MIAT: variants seen among roughly 807,000 people sequenced by gnomAD.
The protein encoded by MIAT is myocardial infarction associated transcript, also known as MI related novel mRNA.
intron 2 of MIAT, chr22:26,647,490 G>A (rs1602352027): frequency 1.6e-5 from 6 of 385,806 alleles, no homozygotes; most frequent in South Asian, 1.5e-4. Flanking sequence ...CAGAAGGAGC[G>A]GGGCCCCAGT....
chr22:26,668,522 G>A (rs1172413054), exon 6 of MIAT: 7 of 398,966 alleles, frequency 1.8e-5, no homozygotes, highest in East Asian at 1.4e-4. Flanking sequence ...ATTCCTCCTC[G>A]CGTTTCTGCC....
At chr22:26,660,180 T>C (rs1359043641) in intron 2 of MIAT, among the ~76,000 whole-genome samples, 1 of 151,516 alleles carries the variant, frequency 6.6e-6, no homozygotes, top group Non-Finnish European at 1.5e-5. Flanking sequence ...TATTTTCTAT[T>C]ATTGAAATTG....
At chr22:26,674,720 G>T in exon 5 of MIAT, 1 of 398,632 alleles carries the variant, frequency 2.5e-6, no homozygotes, top group Non-Finnish European at 4.4e-6. Flanking sequence ...TCTACACCCG[G>T]AAGTGCCTGC....
Position 26,659,836 on chromosome 22 carries a change from C to CT in MIAT, n.647-3477dup, listed in dbSNP as rs1359529004. Among the ~76,000 whole-genome samples, 664 of 81,292 alleles carry CT rather than the reference C, an allele frequency of 8.2e-3. 11 individuals are homozygous for CT. The highest frequency in any genetic ancestry group is 0.015 in the African/African-American group (361 of 24,202). 53.3% of individuals were successfully genotyped at this position (81,292 alleles called of 152,430 possible). A position where few individuals can be genotyped will look rare whatever the true frequency, so the allele number is the denominator to read the frequency against. Reference sequence around the variant, plus strand: ...TTTTTTTCTTTTTCTTTCTTTCTTTCTTTCTTTTTTTTTTTTTTGAAACAG... The same window carrying CT: ...TTTTTTTCTTTTTCTTTCTTTCTTTCTTTTCTTTTTTTTTTTTTTGAAACAG... On this transcript the variant is annotated intron_variant and non_coding_transcript_variant, in intron 2 of 5. Transcript: ENST00000643270.
At chr22:26,647,050 T>C (rs1174689396) in intron 1 of MIAT, 2 of 398,030 alleles carry the variant, frequency 5.0e-6, no homozygotes, top group Non-Finnish European at 8.8e-6. Context: ...AGACTGACCT[T>C]TAGAAGGCAT....
At chr22:26,668,062 C>T in intron 5 of MIAT, 1 of 397,764 alleles carries the variant, frequency 2.5e-6, no homozygotes, top group South Asian at 1.4e-4. Flanking sequence ...GATCTCTGAA[C>T]ATGAGTCCCC....
chr22:26,663,460 A>T, intron 3 of MIAT: 5 of 398,318 alleles, frequency 1.3e-5, no homozygotes, highest in Non-Finnish European at 2.2e-5. Flanking sequence ...ATGCTTTGAG[A>T]TCAGATCCAT....
exon 5 of MIAT, chr22:26,676,323 C>T (rs1019589355): frequency 2.3e-5 from 9 of 398,392 alleles, no homozygotes; most frequent in South Asian, 2.5e-4. Context: ...CAGGGGATAC[C>T]GAATGTGTGG....
Position 26,666,559 on chromosome 22 carries a change from G to A in MIAT, n.1758G>A, listed in dbSNP as rs193253486. The A allele has an allele frequency of 1.4e-3, 554 of 398,666 alleles. 8 individuals carry two copies. Among genetic ancestry groups the A allele is most frequent in the South Asian group, 1.3e-4 (1 of 7,864 alleles). The allele number at this position is 398,666 out of a possible 1,614,324, so 24.7% of individuals were successfully genotyped here. On this transcript the variant is annotated non_coding_transcript_exon_variant, in exon 4 of 6. Coordinates refer to ENST00000643270, the Ensembl canonical transcript of MIAT. ...CAGAATTCTGGATTCCTGACTCTCC[G>A]TTCAGCTGCTATTCAGCTATCACCA...
At chr22:26,658,245 T>C (rs16982565) in intron 2 of MIAT, 16,754 of 151,740 alleles carry the variant, frequency 0.11, 941 homozygotes, top group African/African-American at 0.16. Flanking sequence ...CCACCCTCGT[T>C]GAAAACAACA....
At chr22:26,647,488 GC>G (rs1002270539) in intron 2 of MIAT, 6 of 386,836 alleles carry the variant, frequency 1.6e-5, no homozygotes, top group African/African-American at 1.2e-4. Context: ...CCCAGAAGGA[GC>G]GGGGCCCCAG....
chr22:26,667,877 C>T (rs1316242510), intron 5 of MIAT: 2 of 250,110 alleles, frequency 8.0e-6, no homozygotes, highest in South Asian at 1.8e-4. Flanking sequence ...CATTATGTTG[C>T]CCAGGCTGGT....
At chr22:26,647,027 G>T in intron 1 of MIAT, 1 of 398,130 alleles carries the variant, frequency 2.5e-6, no homozygotes, top group Non-Finnish European at 4.4e-6. Context: ...CATTTGATTG[G>T]CTTTTAAAGG....
At chr22:26,665,245 A>AAAAAAG (rs1851633222) in intron 3 of MIAT, among the ~76,000 whole-genome samples, 1 of 116,086 alleles carries the variant, frequency 8.6e-6, no homozygotes, top group African/African-American at 4.0e-5. Flanking sequence ...TGTCTCCAGA[A>AAAAAAG]AAAAAGAAAG....
At chr22:26,656,347 G>A (rs1226960049) in intron 2 of MIAT, among the ~76,000 whole-genome samples, 1 of 146,062 alleles carries the variant, frequency 6.8e-6, no homozygotes, top group East Asian at 2.0e-4. Context: ...TTTTTGAGAT[G>A]GGGTCTGGCT....
chr22:26,673,933 G>T (rs1484800120), downstream of MIAT: 7 of 398,530 alleles, frequency 1.8e-5, no homozygotes, highest in Admixed American at 4.4e-5. Flanking sequence ...TTTGGTTTCA[G>T]TTCTTAAAAA....
intron 2 of MIAT, chr22:26,650,282 G>A (rs1930314339): frequency 1.3e-5 from 2 of 152,246 alleles, no homozygotes; most frequent in South Asian, 4.1e-4. Flanking sequence ...TGTGAATCGA[G>A]GAGAGAGGCC....
At chr22:26,661,937 T>TATATCTATATAGATCC (rs1555948794) in intron 2 of MIAT, among the ~76,000 whole-genome samples, 3 of 38,120 alleles carry the variant, frequency 7.9e-5, no homozygotes, top group African/African-American at 2.4e-4. Context: ...TATATATATA[T>TATATCTATATAGATCC]ATATATATAT....
At chr22:26,646,882 G>A (rs1333740342) in exon 1 of MIAT, 3 of 398,676 alleles carry the variant, frequency 7.5e-6, no homozygotes, top group Admixed American at 4.4e-5. Flanking sequence ...AATAGAGACA[G>A]GTAGATAGGA....
Sources: allele counts gnomAD v4.1 joint callset (sites outside exome capture counted in the v4.1 genomes callset), GRCh38; gene constraint gnomAD v4.1.1; transcripts MANE v1.5; gene names NCBI Gene and HGNC (gene_info 2026-07-23, HGNC 2026-07-21).